The following SLC2A13 variants were observed in gnomAD, a reference collection of about 807,000 sequenced individuals.
SLC2A13 encodes the protein proton myo-inositol cotransporter.
SLC2A13 carries 32 observed loss-of-function variants against 64.4 expected under a neutral mutation model. The ratio of observed to expected loss-of-function variants is 0.50; its 90% CI spans 0.37 to 0.67. The LOEUF (loss-of-function observed/expected upper bound fraction) is 0.67, where lower values mean the gene tolerates loss of function less well. Among genes scored for constraint, SLC2A13 ranks in the 30% least tolerant of loss-of-function variants. The pLI is 0.00. For synonymous variants in SLC2A13, 338 were observed against 327.1 expected (o/e 1.03, Z -0.36); for missense variants, 743 against 829.2 (o/e 0.90, Z 1.28).
chr12:39,907,757 T>G (rs1441419890), intron 4 of SLC2A13: 1 of 152,180 alleles, frequency 6.6e-6, no homozygotes, highest in Non-Finnish European at 1.5e-5. Flanking sequence ...GTATGTGGAT[T>G]GGACACATGT....
At chr12:39,996,864 C>T (rs1472461764) in intron 3 of SLC2A13, among the ~76,000 whole-genome samples, 1 of 152,184 alleles carries the variant, frequency 6.6e-6, no homozygotes, top group Non-Finnish European at 1.5e-5. Context: ...AACTATAAAA[C>T]ACTGCTGAAA....
Position 39,803,569 on chromosome 12 carries a change from T to TAC in SLC2A13, c.1445+26532_1445+26533dup, listed in dbSNP as rs1246010442. On this transcript the variant is annotated intron_variant, in intron 7 of 9. Transcript: ENST00000280871. ...AAATACATATATACATACACACACA[T>TAC]ACACACACATATATATATAGAGTCA... 7.9e-5 allele frequency among the ~76,000 whole-genome samples: 12 copies of TAC among 152,040 alleles called. No homozygotes were observed. In the East Asian group the frequency reaches 2.3e-3, roughly 29 times the overall value.
At chr12:39,864,904 A>T in intron 5 of SLC2A13, 22 bp from the exon 6 acceptor site, 4 of 1,599,298 alleles carry the variant, frequency 2.5e-6, no homozygotes, top group Non-Finnish European at 3.4e-6. Flanking sequence ...AAAGTTTTAT[A>T]TTAGAGAAGA....
At chr12:39,850,419 A>G (rs1286818989) in intron 6 of SLC2A13, among the ~76,000 whole-genome samples, 1 of 152,180 alleles carries the variant, frequency 6.6e-6, no homozygotes, top group African/African-American at 2.4e-5. Context: ...AGTTTGCATA[A>G]GAAAAGAAGA....
Position 39,900,432 on chromosome 12 carries a change from G to C in SLC2A13, c.1035-28471C>G, listed in dbSNP as rs1193753596. ...TGCAGATGACATGATCGTATATCTA[G>C]AAAACCCCATCGTCTCAGCCCAAAA... is the stretch of plus-strand genomic sequence containing the variant. On this transcript the variant is annotated intron_variant, in intron 4 of 9. Transcript: ENST00000280871. 3.3e-5 allele frequency among the ~76,000 whole-genome samples: 5 copies of C among 152,196 alleles called. No individual in the cohort carries two copies. The East Asian group carries it at 9.6e-4, about 29-fold the overall frequency.
At chr12:39,896,548 G>A (rs907318867) in intron 4 of SLC2A13, among the ~76,000 whole-genome samples, 1 of 141,468 alleles carries the variant, frequency 7.1e-6, no homozygotes, top group African/African-American at 2.6e-5. Context: ...ATGTATGTGT[G>A]TATACATGTA....
intron 3 of SLC2A13, among the ~76,000 whole-genome samples, chr12:39,970,451 C>CTTTT (rs985212532): frequency 6.6e-6 from 1 of 152,104 alleles, no homozygotes; most frequent in Non-Finnish European, 1.5e-5. Context: ...TTAGATGATT[C>CTTTT]TTTTTTAATA....
At chr12:39,991,051 T>C (rs148209265) in intron 3 of SLC2A13, among the ~76,000 whole-genome samples, 6 of 152,172 alleles carry the variant, frequency 3.9e-5, no homozygotes, top group Non-Finnish European at 8.8e-5. Flanking sequence ...CCTGTACTGG[T>C]CCACAGAGAA....
intron 1 of SLC2A13, among the ~76,000 whole-genome samples, chr12:40,072,117 T>A (rs1937981699): frequency 6.6e-6 from 1 of 152,140 alleles, no homozygotes; most frequent in Admixed American, 6.6e-5. Flanking sequence ...CACTTTCATT[T>A]AGCTCTAAAT....
intron 3 of SLC2A13, among the ~76,000 whole-genome samples, chr12:39,979,040 G>A (rs1946830634): frequency 1.3e-5 from 2 of 151,594 alleles, no homozygotes; most frequent in African/African-American, 2.4e-5. Flanking sequence ...GCCTAACTGG[G>A]AGGCACCCCC....
intron 2 of SLC2A13, among the ~76,000 whole-genome samples, chr12:40,030,269 A>T (rs1340259924): frequency 6.6e-6 from 1 of 152,182 alleles, no homozygotes; most frequent in Non-Finnish European, 1.5e-5. Context: ...CTCGGATGAG[A>T]GCTACAGAGA....
intron 3 of SLC2A13, among the ~76,000 whole-genome samples, chr12:39,963,111 C>A (rs1315650824): frequency 6.6e-6 from 1 of 151,998 alleles, no homozygotes; most frequent in African/African-American, 2.4e-5. Flanking sequence ...ACGGTGAAAA[C>A]CCGTCTCTAC....
rs188425285 is a variant in SLC2A13, at chr12:40,013,228, G to A, written c.925+15073C>T. Among the ~76,000 whole-genome samples the A allele has an allele frequency of 9.2e-5, 14 of 152,020 alleles. 1 individual carries two copies. The highest frequency in any genetic ancestry group is 7.2e-4 in the Admixed American group (11 of 15,274). On this transcript the variant is annotated intron_variant, in intron 3 of 9. Transcript: ENST00000280871. Reference sequence around the variant, plus strand: ...AAACTATTTTCTACAAAGGCTAAGTGAGGTCAAAAATTTACAATACAGTGA... The same window carrying A: ...AAACTATTTTCTACAAAGGCTAAGTAAGGTCAAAAATTTACAATACAGTGA...
intron 1 of SLC2A13, among the ~76,000 whole-genome samples, chr12:40,062,468 A>C (rs1592050400): frequency 6.6e-6 from 1 of 152,226 alleles, no homozygotes; most frequent in East Asian, 1.9e-4. Context: ...ATTTGCTCAT[A>C]ATGCAAAACA....
chr12:39,934,735 T>C (rs1945888339), intron 4 of SLC2A13, among the ~76,000 whole-genome samples: 1 of 152,250 alleles, frequency 6.6e-6, no homozygotes, highest in South Asian at 2.1e-4. Context: ...ACATTTTCTA[T>C]ATTTTCTGGT....
chr12:40,067,250 G>A (rs1487900544), intron 1 of SLC2A13, among the ~76,000 whole-genome samples: 3 of 152,242 alleles, frequency 2.0e-5, no homozygotes, highest in African/African-American at 4.8e-5. Context: ...TGCTCAGGCT[G>A]GAGTACAGTG....
At position 39,867,120 on chromosome 12, in the gene SLC2A13, C is replaced by T. The variant is rs191697868; in HGVS notation, c.1199-2238G>A. Among the ~76,000 whole-genome samples the T allele has an allele frequency of 1.2e-3, 182 of 152,232 alleles. 1 individual carries two copies. Among genetic ancestry groups the T allele is most frequent in the African/African-American group, 3.9e-3 (160 of 41,544 alleles). On this transcript the variant is annotated intron_variant, in intron 5 of 9. Transcript: ENST00000280871. The stretch of plus-strand genomic sequence containing the variant: ...ATCATACCTCTCTCCTAAAACAAAA[C>T]AAAACGAACCATGAGATTTACTGTT...
intron 1 of SLC2A13, among the ~76,000 whole-genome samples, chr12:40,056,221 G>A (rs1001838474): frequency 2.0e-5 from 3 of 151,162 alleles, no homozygotes; most frequent in African/African-American, 7.3e-5. Flanking sequence ...TCAGATACTG[G>A]AAATAAGTTC....
intron 1 of SLC2A13, among the ~76,000 whole-genome samples, chr12:40,070,300 A>G (rs1937904729): frequency 6.6e-6 from 1 of 152,132 alleles, no homozygotes; most frequent in African/African-American, 2.4e-5. Context: ...ATGAACATTT[A>G]TCAGTCACCA....
Sources: gnomAD v4.1 joint callset for allele counts (sites outside exome capture counted in the v4.1 genomes callset) on GRCh38, gnomAD v4.1.1 for gene constraint, MANE v1.5 for transcripts, NCBI Gene and HGNC (gene_info 2026-07-23, HGNC 2026-07-21) for gene names.